The following FAM13A variants were observed in gnomAD, a reference collection of about 807,000 sequenced individuals.
FAM13A encodes the protein family with sequence similarity 13 member A.
FAM13A carries 76 observed loss-of-function variants against 129.6 expected under a neutral mutation model. The observed-to-expected ratio is 0.59, with a 90% confidence interval of 0.49 to 0.71. The LOEUF (loss-of-function observed/expected upper bound fraction) is 0.71, where lower values mean the gene tolerates loss of function less well. FAM13A is among the 30% of genes least tolerant of loss of function. FAM13A has a pLI of 0.00. For missense variants in FAM13A, 1,108 were observed against 1,249.3 expected (o/e 0.89, Z 1.70); for synonymous variants, 443 against 449.9 (o/e 0.98, Z 0.20).
chr4:88,856,536 A>C (rs913124561), intron 6 of FAM13A, among the ~76,000 whole-genome samples: 12 of 152,032 alleles, frequency 7.9e-5, no homozygotes, highest in South Asian at 2.1e-4. Flanking sequence ...CCCCAAAAAA[A>C]CCAAAAAACC....
intron 6 of FAM13A, among the ~76,000 whole-genome samples, chr4:88,855,145 T>C (rs1390908729): frequency 1.3e-5 from 2 of 152,234 alleles, no homozygotes; most frequent in Non-Finnish European, 2.9e-5. Flanking sequence ...TGGTTACATG[T>C]TAAATGTTGG....
intron 7 of FAM13A, among the ~76,000 whole-genome samples, chr4:88,828,819 G>T (rs1436389672): frequency 6.6e-6 from 1 of 152,172 alleles, no homozygotes; most frequent in African/African-American, 2.4e-5. Context: ...ACTGGCTTAA[G>T]GAATAAACTA....
In FAM13A at chr4:88,747,821, A is replaced by G; in HGVS notation, c.2192T>C (p.Leu731Pro). 6.2e-7 allele frequency: 1 copy of G among 1,613,874 alleles called. No homozygotes were observed. Residue 731 changes from leucine (L) to proline (P), a missense_variant, in exon 18 of 24, where the codon CTA (leucine) becomes CCA (proline). This residue lies in a region of FAM13A where 529 missense variants were observed against 621.2 expected (regional missense o/e 0.85). Transcript: ENST00000264344. The stretch of plus-strand genomic sequence containing the variant: ...GCTTCGCTGCCGCATCCTGGGAGTT[A>G]GGTCCTCTTCAGATATCTTTAGTTT... ...ESKLKISEED[L>P]TPRMRQRSNT...
At chr4:88,919,956 A>G (rs1185755951) in intron 5 of FAM13A, among the ~76,000 whole-genome samples, 1 of 152,238 alleles carries the variant, frequency 6.6e-6, no homozygotes, top group African/African-American at 2.4e-5. Flanking sequence ...CTAGCGCAGC[A>G]GTCTGAGATC....
At chr4:89,048,943 GAC>G (rs1771208080) in intron 1 of FAM13A, among the ~76,000 whole-genome samples, 2 of 152,200 alleles carry the variant, frequency 1.3e-5, no homozygotes, top group South Asian at 4.1e-4. Flanking sequence ...TTTTAACAAA[GAC>G]AAAGAAGATT....
At chr4:88,942,914 A>T (rs1357874159) in intron 4 of FAM13A, among the ~76,000 whole-genome samples, 1 of 152,250 alleles carries the variant, frequency 6.6e-6, no homozygotes, top group Non-Finnish European at 1.5e-5. Flanking sequence ...TTAGTAAAAA[A>T]TGGTGAGAAC....
rs553326534 is a variant in FAM13A, at chr4:88,889,700, C to T, written c.843+16679G>A. Among the ~76,000 whole-genome samples, 56 of 152,150 alleles carry T rather than the reference C, an allele frequency of 3.7e-4. 1 individual carries two copies. The South Asian group carries it at 7.3e-3, about 20-fold the overall frequency. On this transcript the variant is annotated intron_variant, in intron 6 of 23. Transcript: ENST00000264344. ...GTTATGGACCTGTGAACTTTGCACA[C>T]GCCTTCTATCTTCTTTTTCAGTGTC...
intron 5 of FAM13A, chr4:88,937,034 T>C: frequency 6.6e-6 from 1 of 152,172 alleles, no homozygotes; most frequent in Non-Finnish European, 1.5e-5. Flanking sequence ...TTTCTTATTT[T>C]TTCTTGTGAA....
At chr4:88,811,252 A>G (rs1265074717) in intron 7 of FAM13A, among the ~76,000 whole-genome samples, 2 of 152,102 alleles carry the variant, frequency 1.3e-5, no homozygotes, top group Non-Finnish European at 2.9e-5. Context: ...AGCTGACAGA[A>G]TATCTCCAAA....
At chr4:88,805,822 C>T (rs1195374060) in intron 7 of FAM13A, among the ~76,000 whole-genome samples, 1 of 151,874 alleles carries the variant, frequency 6.6e-6, no homozygotes, top group Non-Finnish European at 1.5e-5. Context: ...GCACGTGCTA[C>T]CATGTCAGGC....
intron 5 of FAM13A, among the ~76,000 whole-genome samples, chr4:88,925,355 C>G (rs1193739102): frequency 6.6e-6 from 1 of 152,168 alleles, no homozygotes; most frequent in African/African-American, 2.4e-5. Context: ...CACACATACA[C>G]CACGGAATAC....
At chr4:88,864,782 C>A (rs957228609) in intron 6 of FAM13A, among the ~76,000 whole-genome samples, 2 of 152,154 alleles carry the variant, frequency 1.3e-5, no homozygotes, top group Non-Finnish European at 1.5e-5. Flanking sequence ...TTTAATAGAG[C>A]TTTTCTTAAA....
intron 3 of FAM13A, among the ~76,000 whole-genome samples, chr4:88,992,166 C>G (rs1762992078): frequency 6.6e-6 from 1 of 152,216 alleles, no homozygotes; most frequent in Admixed American, 6.5e-5. Context: ...TGCCAAGCTG[C>G]AAAACCCCAA....
intron 3 of FAM13A, among the ~76,000 whole-genome samples, chr4:89,001,645 T>C (rs1236717021): frequency 6.6e-6 from 1 of 152,180 alleles, no homozygotes; most frequent in Non-Finnish European, 1.5e-5. Context: ...AATTCATAAC[T>C]AGTATCTGGC....
At chr4:88,777,094 A>G (rs1244571990) in intron 11 of FAM13A, among the ~76,000 whole-genome samples, 1 of 151,128 alleles carries the variant, frequency 6.6e-6, no homozygotes, top group African/African-American at 2.4e-5. Flanking sequence ...AAAGTATTAA[A>G]CTCTGCCCTA....
At chr4:89,024,848 G>A (rs887583268) in intron 2 of FAM13A, among the ~76,000 whole-genome samples, 3 of 145,288 alleles carry the variant, frequency 2.1e-5, no homozygotes, top group East Asian at 1.9e-4. Context: ...AGGCCTACCC[G>A]AGCTTGCCCA....
At chr4:88,993,553 A>G (rs1763173955) in intron 3 of FAM13A, among the ~76,000 whole-genome samples, 1 of 152,260 alleles carries the variant, frequency 6.6e-6, no homozygotes, top group African/African-American at 2.4e-5. Flanking sequence ...TTGTGAATTT[A>G]TGACAATAAC....
intron 13 of FAM13A, among the ~76,000 whole-genome samples, chr4:88,765,324 C>T (rs1036731550): frequency 2.0e-5 from 3 of 152,056 alleles, no homozygotes; most frequent in Admixed American, 1.3e-4. Context: ...TCTGTCTTAA[C>T]GGAAAACAAA....
chr4:88,845,395 T>C (rs1345161018), intron 7 of FAM13A, among the ~76,000 whole-genome samples: 1 of 152,092 alleles, frequency 6.6e-6, no homozygotes, highest in Non-Finnish European at 1.5e-5. Context: ...ACTGATTTCT[T>C]ATTTTTTCCT....
Sources: allele counts gnomAD v4.1 joint callset (sites outside exome capture counted in the v4.1 genomes callset), GRCh38; gene constraint gnomAD v4.1.1; regional missense constraint gnomAD v4.1.1; transcripts MANE v1.5; gene names NCBI Gene and HGNC (gene_info 2026-07-23, HGNC 2026-07-21).